DAB1: variants seen among roughly 807,000 people sequenced by gnomAD.
DAB1 encodes DAB adaptor protein 1, also known as disabled homolog 1.
Under a neutral mutation model 64.6 loss-of-function variants are expected in DAB1, and 15 were observed. The observed-to-expected ratio is 0.23, with a 90% CI of 0.16 to 0.36. The LOEUF (loss-of-function observed/expected upper bound fraction) is 0.36. Among genes scored for constraint, DAB1 ranks in the 10% least tolerant of loss-of-function variants. DAB1 has a pLI of 1.00. For missense variants in DAB1, 596 were observed against 706.7 expected, an observed-to-expected ratio of 0.84 and a Z score of 1.78; for synonymous variants, 235 against 251.9, an observed-to-expected ratio of 0.93 and a Z score of 0.64.
At chr1:58,093,102 G>A (rs137911726) in intron 5 of DAB1, among the ~76,000 whole-genome samples, 1 of 152,102 alleles carries the variant, frequency 6.6e-6, no homozygotes, top group Non-Finnish European at 1.5e-5. Context: ...TGCTGGGAGC[G>A]CCAGACTACC....
chr1:57,566,858 C>T (rs572302490), intron 7 of DAB1, among the ~76,000 whole-genome samples: 8 of 152,342 alleles, frequency 5.3e-5, no homozygotes, highest in Middle Eastern at 3.4e-3. Context: ...CAAGAAGGAG[C>T]TGGTACCATT....
At chr1:57,881,340 G>C (rs1449171146) in intron 1 of DAB1, among the ~76,000 whole-genome samples, 1 of 152,124 alleles carries the variant, frequency 6.6e-6, no homozygotes, top group Non-Finnish European at 1.5e-5. Context: ...AATCTCCAGA[G>C]ACTTTCTAAC....
In DAB1 at chr1:57,367,043, C is replaced by CAAAATAAAATAAAATAAAAT. The variant is rs148354078; in HGVS notation, c.-137+56867_-137+56886dup. Reference sequence around the variant, plus strand: ...GCAACACAGTGAGACCCTGTCTCCACAAAATAAAATAAAATAAAATAAAAT... The same window carrying CAAAATAAAATAAAATAAAAT: ...GCAACACAGTGAGACCCTGTCTCCACAAAATAAAATAAAATAAAATAAAATAAAATAAAATAAAATAAAAT... On this transcript the variant is annotated intron_variant, in intron 1 of 14. Transcript: ENST00000371236. 4.5e-3 allele frequency among the ~76,000 whole-genome samples: 413 copies of CAAAATAAAATAAAATAAAAT among 91,702 alleles called. 23 individuals are homozygous for CAAAATAAAATAAAATAAAAT. Among genetic ancestry groups the CAAAATAAAATAAAATAAAAT allele is most frequent in the Non-Finnish European group, 6.5e-3 (285 of 44,086 alleles). The allele number at this position is 91,702 out of a possible 152,430, so 60.2% of individuals were successfully genotyped here. A position where few individuals can be genotyped will look rare whatever the true frequency, so the allele number is the denominator to read the frequency against.
chr1:57,969,147 C>T (rs771931253), intron 5 of DAB1, among the ~76,000 whole-genome samples: 16 of 151,932 alleles, frequency 1.1e-4, no homozygotes, highest in Admixed American at 6.6e-5. Context: ...GAATTTATTC[C>T]GAATTTCTCA....
chr1:57,791,621 C>G (rs1650602727), intron 6 of DAB1, among the ~76,000 whole-genome samples: 1 of 152,144 alleles, frequency 6.6e-6, no homozygotes, highest in South Asian at 2.1e-4. Context: ...ATCAGTGAGA[C>G]AAGCCATGTA....
intron 6 of DAB1, among the ~76,000 whole-genome samples, chr1:57,744,586 G>A (rs1000036619): frequency 3.9e-5 from 6 of 152,140 alleles, no homozygotes; most frequent in East Asian, 1.9e-4. Flanking sequence ...TGAAGTCACC[G>A]AGGAAGTGGA....
intron 2 of DAB1, among the ~76,000 whole-genome samples, chr1:57,290,592 T>C (rs1019532566): frequency 6.6e-6 from 1 of 152,180 alleles, no homozygotes; most frequent in African/African-American, 2.4e-5. Flanking sequence ...AGAAGGCATA[T>C]GCAGAAAAAC....
At chr1:57,070,782 G>C in intron 7 of DAB1, 1 of 531,666 alleles carries the variant, frequency 1.9e-6, no homozygotes, top group Non-Finnish European at 3.5e-6. Flanking sequence ...GAAGGGGGCC[G>C]AGGCAGAGGC....
chr1:57,471,717 T>A (rs1478431825), intron 7 of DAB1, among the ~76,000 whole-genome samples: 1 of 152,224 alleles, frequency 6.6e-6, no homozygotes, highest in Non-Finnish European at 1.5e-5. Context: ...CCCAGCCACA[T>A]GGAACTGTAA....
At chr1:57,234,452 T>G (rs1484880035) in intron 2 of DAB1, among the ~76,000 whole-genome samples, 1 of 152,230 alleles carries the variant, frequency 6.6e-6, no homozygotes, top group Non-Finnish European at 1.5e-5. Context: ...TTTTTAGGTG[T>G]CAATAATTGT....
In DAB1 at chr1:57,158,484, G is replaced by A. The variant is rs146222268; in HGVS notation, c.68-13055C>T. ...CCTGATGATAAGAAAATTTCGAAAG[G>A]TTGTTTTACTTTCCCCCTTGGCTGT... On this transcript the variant is annotated intron_variant, in intron 2 of 14. Transcript: ENST00000371236. Among the ~76,000 whole-genome samples the A allele has an allele frequency of 2.6e-5, 4 of 152,090 alleles. No homozygotes were observed. The East Asian group carries it at 5.8e-4, about 22-fold the overall frequency.
chr1:57,850,341 C>G (rs1364251682), intron 1 of DAB1, among the ~76,000 whole-genome samples: 1 of 152,088 alleles, frequency 6.6e-6, no homozygotes. Flanking sequence ...TGTACTCTGA[C>G]CAGTAAAGAA....
chr1:57,983,020 C>T (rs1263317730), intron 5 of DAB1, among the ~76,000 whole-genome samples: 3 of 152,202 alleles, frequency 2.0e-5, no homozygotes, highest in Admixed American at 2.0e-4. Flanking sequence ...AGCTGGGTTG[C>T]AGCCAGATCT....
At chr1:57,194,995 T>A (rs1664506645) in intron 2 of DAB1, among the ~76,000 whole-genome samples, 1 of 152,212 alleles carries the variant, frequency 6.6e-6, no homozygotes, top group African/African-American at 2.4e-5. Flanking sequence ...GTAATAACTT[T>A]GGGTCTTGGG....
chr1:58,285,888 A>C (rs1422946209), intron 4 of DAB1, among the ~76,000 whole-genome samples: 1 of 152,246 alleles, frequency 6.6e-6, no homozygotes, highest in African/African-American at 2.4e-5. Context: ...GCAAAGCTGG[A>C]GGCACCACAC....
chr1:58,096,003 C>G (rs1180077561), intron 5 of DAB1, among the ~76,000 whole-genome samples: 2 of 152,314 alleles, frequency 1.3e-5, no homozygotes, highest in Admixed American at 6.5e-5. Context: ...GGTGGGGGCT[C>G]TACCCAGATT....
intron 1 of DAB1, among the ~76,000 whole-genome samples, chr1:57,872,386 T>C (rs770061629): frequency 2.0e-5 from 3 of 152,286 alleles, no homozygotes; most frequent in Non-Finnish European, 2.9e-5. Flanking sequence ...GTGAGAGGTA[T>C]ATCTATGAAC....
intron 6 of DAB1, among the ~76,000 whole-genome samples, chr1:57,694,381 T>A (rs1309205390): frequency 6.6e-6 from 1 of 152,044 alleles, no homozygotes; most frequent in Non-Finnish European, 1.5e-5. Flanking sequence ...TAGTGTGCTA[T>A]CAGAGGAGGA....
intron 4 of DAB1, among the ~76,000 whole-genome samples, chr1:58,197,336 G>T (rs1657736333): frequency 6.6e-6 from 1 of 152,062 alleles, no homozygotes; most frequent in African/African-American, 2.4e-5. Flanking sequence ...CTGGTCATAG[G>T]TTGGATCTGA....
Sources: allele counts gnomAD v4.1 joint callset (sites outside exome capture counted in the v4.1 genomes callset), GRCh38; gene constraint gnomAD v4.1.1; transcripts MANE v1.5; gene names NCBI Gene and HGNC (gene_info 2026-07-23, HGNC 2026-07-21).